The following LRRC40 variants were observed in gnomAD, a reference collection of about 807,000 sequenced individuals.
LRRC40 encodes leucine-rich repeat-containing protein 40.
A neutral mutation model predicts 72.8 loss-of-function variants in LRRC40; 76 were observed. The observed-to-expected ratio is 1.04, with a 90% CI of 0.87 to 1.26. The LOEUF (loss-of-function observed/expected upper bound fraction) is 1.26, where lower values mean the gene tolerates loss of function less well. Ranked by LOEUF, LRRC40 falls within the 50% of genes most tolerant of loss-of-function variation. The pLI is 0.00. For missense variants in LRRC40, 684 were observed against 698.9 expected (o/e 0.98, Z 0.24); for synonymous variants, 243 against 254.2 (o/e 0.96, Z 0.42).
chr1:70,158,053 T>C (rs1005580712), intron 10 of LRRC40, among the ~76,000 whole-genome samples: 4 of 117,530 alleles, frequency 3.4e-5, no homozygotes, highest in Non-Finnish European at 6.3e-5. Context: ...TGAGCCGAGA[T>C]AACGCCACTG....
At chr1:70,187,765 A>G (rs960060111) in intron 2 of LRRC40, among the ~76,000 whole-genome samples, 1 of 151,974 alleles carries the variant, frequency 6.6e-6, no homozygotes, top group Non-Finnish European at 1.5e-5. Flanking sequence ...TAGGAGGTCA[A>G]GGCTGCAGTG....
intron 3 of LRRC40, among the ~76,000 whole-genome samples, chr1:70,187,051 A>G (rs554408841): frequency 6.6e-6 from 1 of 152,192 alleles, no homozygotes; most frequent in Admixed American, 6.5e-5. Flanking sequence ...CTAGCCTTGC[A>G]TTTATAAAAT....
At chr1:70,152,394 T>C (rs1284031307) in intron 12 of LRRC40, 39 bp downstream of exon 12, 2 of 1,051,642 alleles carry the variant, frequency 1.9e-6, no homozygotes, top group African/African-American at 1.6e-5. Context: ...AGACAAGTTA[T>C]AACTTTTTAA....
chr1:70,165,576 A>ATT (rs1188061493), intron 9 of LRRC40, among the ~76,000 whole-genome samples: 1 of 152,208 alleles, frequency 6.6e-6, no homozygotes. Context: ...CATCCTTTGA[A>ATT]TCAAATGATC....
intron 13 of LRRC40, 22 bp downstream of exon 13, chr1:70,151,106 T>C: frequency 7.3e-7 from 1 of 1,361,916 alleles, no homozygotes; most frequent in Non-Finnish European, 1.0e-6. Flanking sequence ...AGAATAACAA[T>C]TAGAATTGTC....
rs183000148 is a variant in LRRC40 at position 70,175,700 on chromosome 1, T to C, written c.977+110A>G. ...TAACTACTGCTCAATCAATATTTAG[T>C]GAATTCAATTTAGAAAAAAGGAACC... On this transcript the variant is annotated intron_variant, in intron 7 of 14. Coordinates refer to ENST00000370952, the MANE Select transcript of LRRC40 (RefSeq NM_017768.5). The C allele has an allele frequency of 6.8e-6, 5 of 735,840 alleles. No individual in the cohort carries two copies. The African/African-American group carries it at 9.2e-5, about 14-fold the overall frequency. 45.6% of individuals were successfully genotyped at this position (735,840 alleles called of 1,614,324 possible). A position where few individuals can be genotyped will look rare whatever the true frequency, so the allele number is the denominator to read the frequency against.
intron 11 of LRRC40, among the ~76,000 whole-genome samples, chr1:70,154,112 T>C (rs1329440849): frequency 6.6e-6 from 1 of 152,186 alleles, no homozygotes. Flanking sequence ...ATTCCTTTAT[T>C]TATTCCAAAA....
chr1:70,188,996 A>G (rs1486349573), intron 2 of LRRC40, 96 bp downstream of exon 2: 3 of 1,013,184 alleles, frequency 3.0e-6, no homozygotes. Context: ...TCCTTGCATT[A>G]CCAACTCAAC....
At chr1:70,201,892 G>A (rs1344962325) in intron 1 of LRRC40, among the ~76,000 whole-genome samples, 1 of 152,102 alleles carries the variant, frequency 6.6e-6, no homozygotes, top group Non-Finnish European at 1.5e-5. Context: ...CGGGAGAATT[G>A]CTTGAACCTG....
chr1:70,173,430 A>T, intron 9 of LRRC40, 35 bp downstream of exon 9: 1 of 1,454,536 alleles, frequency 6.9e-7, no homozygotes, highest in Non-Finnish European at 9.6e-7. Flanking sequence ...ACTTTTTATG[A>T]ATCCTTCAAA....
intron 9 of LRRC40, among the ~76,000 whole-genome samples, chr1:70,166,906 G>C (rs932916027): frequency 2.7e-5 from 4 of 146,060 alleles, no homozygotes; most frequent in Non-Finnish European, 1.5e-5. Context: ...AAAGAAAGGA[G>C]AAAAAAGGAA....
At chr1:70,146,668 A>G (rs1036136277) in intron 14 of LRRC40, among the ~76,000 whole-genome samples, 37 of 152,316 alleles carry the variant, frequency 2.4e-4, no homozygotes, top group African/African-American at 7.7e-4. Context: ...ATTTAAACAA[A>G]TATCAGCATG....
intron 9 of LRRC40, among the ~76,000 whole-genome samples, chr1:70,172,530 C>G (rs1034356037): frequency 3.9e-5 from 6 of 152,126 alleles, no homozygotes; most frequent in African/African-American, 1.4e-4. Context: ...GTAACTTCCA[C>G]TAAGTTCATC....
chr1:70,189,136 G>A lies in LRRC40; in HGVS notation c.289C>T (p.Leu97Phe), dbSNP rs760701915. The part of the protein sequence containing the change: ...LIISNNKLQS[L>F]TDDLRLLPAL... ...GGCAAGAGTCGCAGGTCATCTGTAA[G>A]TGACTGAAGTTTATTGTTTGATATT... The change falls in exon 2 of 15, where the codon CTT becomes TTT. Residue 97 changes from leucine to phenylalanine, a missense_variant. Physicochemically the swap from Leu to Phe is conservative, Grantham distance 22. Transcript: ENST00000370952. 27 of 1,613,632 alleles carry A rather than the reference G, an allele frequency of 1.7e-5. No homozygotes were observed. Among genetic ancestry groups the A allele is most frequent in the Non-Finnish European group, 2.1e-5 (25 of 1,179,966 alleles).
intron 9 of LRRC40, among the ~76,000 whole-genome samples, chr1:70,170,571 T>A (rs1667979097): frequency 6.6e-6 from 1 of 152,140 alleles, no homozygotes; most frequent in Non-Finnish European, 1.5e-5. Flanking sequence ...AATCATTGTA[T>A]TCCTATACAG....
intron 9 of LRRC40, 96 bp downstream of exon 9, chr1:70,173,369 A>C (rs2100287068): frequency 1.2e-6 from 1 of 853,370 alleles, no homozygotes; most frequent in Non-Finnish European, 1.9e-6. Flanking sequence ...ATTACTTCCA[A>C]ATATGTATAC....
intron 1 of LRRC40, among the ~76,000 whole-genome samples, chr1:70,203,370 C>T (rs1050410369): frequency 2.0e-5 from 3 of 152,122 alleles, no homozygotes; most frequent in African/African-American, 7.2e-5. Context: ...TTGGTAATGA[C>T]ACTAGGATTT....
At chr1:70,170,451 T>C (rs2100279806) in intron 9 of LRRC40, among the ~76,000 whole-genome samples, 1 of 152,312 alleles carries the variant, frequency 6.6e-6, no homozygotes, top group East Asian at 1.9e-4. Flanking sequence ...AAACTATCTC[T>C]ATTTGCAAAC....
intron 9 of LRRC40, among the ~76,000 whole-genome samples, chr1:70,161,866 A>G (rs1667772096): frequency 2.0e-5 from 3 of 152,200 alleles, no homozygotes; most frequent in Non-Finnish European, 4.4e-5. Context: ...TAAGTAAGAG[A>G]CGAAGACAGA....
Sources: allele counts gnomAD v4.1 joint callset (sites outside exome capture counted in the v4.1 genomes callset), GRCh38; gene constraint gnomAD v4.1.1; transcripts MANE v1.5; gene names NCBI Gene and HGNC (gene_info 2026-07-23, HGNC 2026-07-21).